The following MICU3 variants were observed in gnomAD, a reference collection of about 807,000 sequenced individuals.
The protein encoded by MICU3 is mitochondrial calcium uptake 3.
In MICU3, 62 loss-of-function variants were observed where a neutral mutation model predicts 66.5. The observed-to-expected ratio is 0.93, with a 90% CI of 0.76 to 1.15. The LOEUF is 1.15. Among genes scored for constraint, MICU3 ranks in the 50% most tolerant of loss-of-function variants. The pLI, the probability that MICU3 is intolerant of heterozygous loss-of-function variation, is 0.00. For missense variants in MICU3, 779 were observed against 664.4 expected (o/e 1.17, Z -1.90); for synonymous variants, 308 against 240.7 (o/e 1.28, Z -2.59).
At chr8:17,127,827 A>C in the MICU3 span, among the ~76,000 whole-genome samples, 2 of 152,140 alleles carry the variant, frequency 1.3e-5, no homozygotes, top group Non-Finnish European at 2.9e-5. Flanking sequence ...ATGTACACTG[A>C]ACCATTTCTA....
At chr8:17,067,420 C>T (rs920300664) in intron 2 of MICU3, among the ~76,000 whole-genome samples, 4 of 149,990 alleles carry the variant, frequency 2.7e-5, no homozygotes, top group East Asian at 2.0e-4. Flanking sequence ...CATCAGAATT[C>T]ATAGCCATGA....
intron 3 of MICU3, among the ~76,000 whole-genome samples, chr8:17,074,055 G>T (rs73194721): frequency 0.14 from 19,994 of 146,912 alleles, 1,681 homozygotes; most frequent in Admixed American, 0.21. Context: ...TTTCTTTTTG[G>T]TTTTTTTTTT....
chr8:17,120,183 T>C (rs908618584), intron 14 of MICU3, 105 bp from the exon 15 acceptor site: 3 of 150,698 alleles, frequency 2.0e-5, no homozygotes, highest in East Asian at 1.9e-4. Context: ...GGTGTTTTTA[T>C]TGAATTCCTT....
chr8:17,108,878 C>A (rs1801967148), intron 11 of MICU3, among the ~76,000 whole-genome samples: 1 of 152,284 alleles, frequency 6.6e-6, no homozygotes, highest in Middle Eastern at 3.4e-3. Flanking sequence ...TTTGACCTCA[C>A]TTCCTATATT....
At position 17,086,946 on chromosome 8, in the gene MICU3, G is replaced by T. The variant is rs1423339602; in HGVS notation, c.778-18G>T. 3.3e-6 allele frequency: 5 copies of T among 1,533,360 alleles called. No homozygotes were observed. The highest frequency in any genetic ancestry group is 2.7e-5 in the African/African-American group (2 of 73,126). 95.0% of individuals were successfully genotyped at this position (1,533,360 alleles called of 1,614,324 possible). A position where few individuals can be genotyped will look rare whatever the true frequency, so the allele number is the denominator to read the frequency against. ...AACTCTTGTTGGATATTTGATTCTT[G>T]ATTGATTTCTTTGTCAGCTTCAAGA... is the stretch of plus-strand genomic sequence containing the variant. On this transcript the variant is annotated intron_variant, in intron 6 of 14. Coordinates refer to ENST00000318063, the MANE Select transcript of MICU3 (RefSeq NM_181723.3).
chr8:17,035,014 C>T (rs912103637), intron 1 of MICU3, among the ~76,000 whole-genome samples: 7 of 152,132 alleles, frequency 4.6e-5, no homozygotes, highest in African/African-American at 1.7e-4. Flanking sequence ...ATCATGGGGG[C>T]TGGTTTTTCC....
chr8:17,048,584 A>T (rs968553209), intron 1 of MICU3, among the ~76,000 whole-genome samples: 4 of 152,140 alleles, frequency 2.6e-5, no homozygotes, highest in African/African-American at 9.7e-5. Flanking sequence ...TGAGATTTTG[A>T]ATTGAATCTT....
rs1002093176 is a variant in MICU3, at chr8:17,077,728, C to A, written c.568-55C>A. ...ATGGACATTTAAACATGTTTTTGAT[C>A]TATTTTATTAGTAAGTTGTTTACCA... On this transcript the variant is annotated intron_variant, in intron 3 of 14. Transcript: ENST00000318063. 5.8e-6 allele frequency: 7 copies of A among 1,217,256 alleles called. No homozygotes were observed. In the Admixed American group the frequency reaches 1.2e-4, roughly 21 times the overall value. The allele number at this position is 1,217,256 out of a possible 1,614,324, so 75.4% of individuals were successfully genotyped here. A position where few individuals can be genotyped will look rare whatever the true frequency, so the allele number is the denominator to read the frequency against.
intron 11 of MICU3, among the ~76,000 whole-genome samples, chr8:17,106,073 A>G (rs182413325): frequency 1.3e-5 from 2 of 152,210 alleles, no homozygotes; most frequent in East Asian, 1.9e-4. Context: ...AGAACCTGGG[A>G]CAACTGATTG....
intron 4 of MICU3, among the ~76,000 whole-genome samples, chr8:17,079,151 C>A (rs1820812197): frequency 6.6e-6 from 1 of 152,028 alleles, no homozygotes; most frequent in Non-Finnish European, 1.5e-5. Context: ...CACATGTTTG[C>A]ATTTTTTTCC....
chr8:17,055,321 G>A (rs1816760417), intron 1 of MICU3, among the ~76,000 whole-genome samples: 1 of 152,160 alleles, frequency 6.6e-6, no homozygotes, highest in Non-Finnish European at 1.5e-5. Context: ...TTTTACAAAT[G>A]TGGTTTGTTT....
the MICU3 span, among the ~76,000 whole-genome samples, chr8:17,138,428 T>C: frequency 4.6e-5 from 7 of 152,258 alleles, no homozygotes; most frequent in African/African-American, 1.7e-4. Context: ...GAAATGACTG[T>C]GACAAGTCAG....
intron 1 of MICU3, among the ~76,000 whole-genome samples, chr8:17,051,386 A>T (rs552556523): frequency 2.0e-5 from 3 of 152,354 alleles, no homozygotes; most frequent in Admixed American, 6.5e-5. Context: ...TACCAAGTAA[A>T]CAATTCCTGC....
intron 9 of MICU3, 45 bp downstream of exon 9, chr8:17,098,598 G>C (rs1373880921): frequency 3.3e-6 from 4 of 1,219,634 alleles, no homozygotes; most frequent in Non-Finnish European, 3.6e-6. Flanking sequence ...TTGCCATCTT[G>C]TTAATCTAGT....
intron 1 of MICU3, among the ~76,000 whole-genome samples, chr8:17,037,081 G>A (rs1409817025): frequency 2.0e-5 from 3 of 152,188 alleles, no homozygotes; most frequent in Non-Finnish European, 4.4e-5. Flanking sequence ...CTCACTGCCC[G>A]GGGCCAGCAG....
chr8:17,046,840 T>G (rs1031487259), intron 1 of MICU3, among the ~76,000 whole-genome samples: 2 of 152,118 alleles, frequency 1.3e-5, no homozygotes, highest in Non-Finnish European at 2.9e-5. Context: ...CTTCTGAGAA[T>G]GTATACACAT....
chr8:17,035,095 A>G (rs971169406), intron 1 of MICU3, among the ~76,000 whole-genome samples: 5 of 152,196 alleles, frequency 3.3e-5, no homozygotes, highest in Non-Finnish European at 5.9e-5. Flanking sequence ...ACCCCTGCAC[A>G]TACTGTCTTT....
At chr8:17,037,631 C>T (rs1400207677) in intron 1 of MICU3, among the ~76,000 whole-genome samples, 2 of 152,180 alleles carry the variant, frequency 1.3e-5, no homozygotes, top group East Asian at 3.9e-4. Context: ...ACAGAGTTCC[C>T]ACTGGGCACT....
At chr8:17,109,534 T>G (rs1176715354) in intron 11 of MICU3, among the ~76,000 whole-genome samples, 1 of 152,088 alleles carries the variant, frequency 6.6e-6, no homozygotes, top group African/African-American at 2.4e-5. Flanking sequence ...TGCAGAACTA[T>G]CTCCAAGATA....
Sources: gnomAD v4.1 joint callset for allele counts (sites outside exome capture counted in the v4.1 genomes callset) on GRCh38, gnomAD v4.1.1 for gene constraint, MANE v1.5 for transcripts, NCBI Gene and HGNC (gene_info 2026-07-23, HGNC 2026-07-21) for gene names.